CXorf38: variants seen among roughly 807,000 people sequenced by gnomAD.
CXorf38 encodes the protein uncharacterized protein CXorf38.
Under a neutral mutation model 27.5 loss-of-function variants are expected in CXorf38, and 13 were observed. The observed-to-expected ratio is 0.47, with a 90% CI of 0.31 to 0.75. CXorf38 has a LOEUF of 0.75. Ranked by LOEUF, CXorf38 falls within the 30% of genes least tolerant of loss-of-function variation. The probability of loss-of-function intolerance (pLI) is 0.05; values close to 1 mark genes in which losing one functional copy is unlikely to be tolerated. For synonymous variants in CXorf38, 100 were observed against 99.8 expected, an observed-to-expected ratio of 1.00 and a Z score of -0.01; for missense variants, 240 against 253.2, an observed-to-expected ratio of 0.95 and a Z score of 0.35.
Position 40,636,615 on chromosome X carries a change from T to C in CXorf38, c.719A>G (p.Asn240Ser). ...MGTYLSESQV[N>S]EIEMQLLKEK... ...CTTTAGTAACTGCATTTCTATTTCATTGACTTGGCTCTCACTCAGGTAAGT... is the reference window on the plus strand; with the variant it reads ...CTTTAGTAACTGCATTTCTATTTCACTGACTTGGCTCTCACTCAGGTAAGT... Residue 240 changes from asparagine (N) to serine (S), a missense_variant, in exon 5 of 7, where the codon AAT becomes AGT. Physicochemically the swap from Asn to Ser is conservative, Grantham distance 46 (BLOSUM62 1). Coordinates refer to ENST00000327877, the MANE Select transcript of CXorf38 (RefSeq NM_144970.3). The C allele has an allele frequency of 1.7e-6, 2 of 1,203,834 alleles. No individual in the cohort carries two copies. The highest frequency in any genetic ancestry group is 2.2e-6 in the Non-Finnish European group (2 of 889,401).
At chrX:40,630,906 A>G in intron 5 of CXorf38, 133 bp from the exon 6 acceptor site, 2 of 523,243 alleles carry the variant, frequency 3.8e-6, no homozygotes, top group Admixed American at 4.0e-5. Flanking sequence ...GGCTACAGGC[A>G]TCTGTCCACA....
In CXorf38 at chrX:40,627,186, T is replaced by TGGGG. The variant is rs765086285; in HGVS notation, c.*2974_*2977dup. 3 of 64,272 alleles carry TGGGG rather than the reference T, an allele frequency of 4.7e-5. No individual in the cohort carries two copies. The highest frequency in any genetic ancestry group is 1.9e-4 in the African/African-American group (3 of 15,946). 5.3% of individuals were successfully genotyped at this position (64,272 alleles called of 1,213,427 possible). On this transcript the variant is annotated 3_prime_UTR_variant, in exon 7 of 7. Transcript: ENST00000327877. ...ACAGCTTGCTATGCATTTTTTTTTTTGGGGGGGGGGGGTTGTTTTTTAGAG... is the reference window on the plus strand; with the variant it reads ...ACAGCTTGCTATGCATTTTTTTTTTTGGGGGGGGGGGGGGGGTTGTTTTTTAGAG...
rs2146594076 is a variant in CXorf38, at chrX:40,647,365, G to A, written c.156C>T (p.Pro52=). The change falls in exon 1 of 7, where the codon CCC becomes CCT. Residue 52 remains proline, a synonymous_variant. Transcript: ENST00000327877. ...GGCAGACGGCGCGGGGCCCCAGGCC[G>A]GGGGCTGCGGCGAGTAGGCCGCGGT... is the stretch of plus-strand genomic sequence containing the variant. ...SFHRGLLAAA[P]GLGPRAVCRG... is the part of the protein sequence containing the mutation. 1.7e-6 allele frequency: 2 copies of A among 1,155,987 alleles called. No homozygotes were observed. The highest frequency in any genetic ancestry group is 3.7e-5 in the African/African-American group (2 of 53,795).
At chrX:40,635,747 C>A (rs1040762712) in intron 5 of CXorf38, among the ~76,000 whole-genome samples, 1 of 111,712 alleles carries the variant, frequency 9.0e-6, no homozygotes, top group Non-Finnish European at 1.9e-5. Flanking sequence ...AGCCCCATGC[C>A]ATGCTCCAAG....
At chrX:40,640,984 T>TAACA (rs1928296492) in intron 2 of CXorf38, among the ~76,000 whole-genome samples, 1 of 104,590 alleles carries the variant, frequency 9.6e-6, no homozygotes, top group South Asian at 4.2e-4. Context: ...CTACAAAGGT[T>TAACA]AACAAAGAAG....
chrX:40,643,712 G>A (rs1928449572), intron 2 of CXorf38, among the ~76,000 whole-genome samples: 1 of 111,071 alleles, frequency 9.0e-6, no homozygotes, highest in Admixed American at 9.6e-5. Context: ...GTTTCTCCTT[G>A]CTGGTCAGGT....
At position 40,630,650 on chromosome X, in the gene CXorf38, C is replaced by T. The variant is rs141391425; in HGVS notation, c.925G>A (p.Glu309Lys). The change falls in exon 6 of 7, where the codon GAA becomes AAA. Residue 309 changes from glutamate (E) to lysine (K), a missense_variant. Physicochemically the swap from Glu to Lys is moderately conservative, Grantham distance 56. Transcript: ENST00000327877. ...LCLHQKLDSQ[E>K]PGRQTPDRKA ...CTGTCAGGTGTTTGTCTCCCAGGTT[C>T]CTGTGAATCCAGTTTTTGATGTAGA... 947 of 1,208,466 alleles carry T rather than the reference C, an allele frequency of 7.8e-4. No individual in the cohort carries two copies. The highest frequency in any genetic ancestry group is 9.5e-4 in the Non-Finnish European group (851 of 894,407).
At position 40,637,107 on chromosome X, in the gene CXorf38, G is replaced by C. The variant is rs1928104218; in HGVS notation, c.521C>G (p.Ser174Cys). 7 of 1,204,241 alleles carry C rather than the reference G, an allele frequency of 5.8e-6. No homozygotes were observed. The East Asian group carries it at 1.8e-4, about 31-fold the overall frequency. The change falls in exon 4 of 7, where the codon TCT becomes TGT. Residue 174 changes from serine to cysteine, a missense_variant. By Grantham distance (112) the Ser-to-Cys change is moderately radical. Transcript: ENST00000327877. Reference sequence around the variant, plus strand: ...CTGAAAATCTCGAAGCCACGTAGAAGATACTTTCATCTCTGAAGAGTGCAT... The same window carrying C: ...CTGAAAATCTCGAAGCCACGTAGAACATACTTTCATCTCTGAAGAGTGCAT... ...EIMHSSEMKV[S>C]STWLRDFQMK... is the part of the protein sequence containing the mutation.
In CXorf38 at chrX:40,639,142, G is replaced by A. The variant is rs1486357609; in HGVS notation, c.352-14C>T. Reference sequence around the variant, plus strand: ...GGGCATGAAGGCCTATAGCAAGGGAGGGAGGAGGGGGACCTGAGTCTCTTC... The same window carrying A: ...GGGCATGAAGGCCTATAGCAAGGGAAGGAGGAGGGGGACCTGAGTCTCTTC... On this transcript the variant is annotated splice_polypyrimidine_tract_variant and intron_variant, in intron 2 of 6. Transcript: ENST00000327877. The A allele has an allele frequency of 7.5e-6, 9 of 1,201,212 alleles. No homozygotes were observed. Among genetic ancestry groups the A allele is most frequent in the Admixed American group, 2.2e-5 (1 of 45,005 alleles).
chrX:40,643,566 T>C (rs1044536448), intron 2 of CXorf38, among the ~76,000 whole-genome samples: 2 of 111,478 alleles, frequency 1.8e-5, no homozygotes, highest in South Asian at 3.8e-4. Flanking sequence ...TGGAGTGCAA[T>C]AGCACAATCT....
chrX:40,633,465 C>T (rs1333626612), intron 5 of CXorf38, among the ~76,000 whole-genome samples: 2 of 111,463 alleles, frequency 1.8e-5, no homozygotes, highest in Admixed American at 1.9e-4. Context: ...CTCTGCTCTA[C>T]ACTGGATTTC....
chrX:40,643,399 A>G (rs1054884527), intron 2 of CXorf38, among the ~76,000 whole-genome samples: 6 of 112,472 alleles, frequency 5.3e-5, no homozygotes, highest in Non-Finnish European at 9.4e-5. Flanking sequence ...CCTCAAAAAG[A>G]AACCCCATAC....
At chrX:40,631,787 C>T (rs1041806083) in intron 5 of CXorf38, among the ~76,000 whole-genome samples, 26 of 111,890 alleles carry the variant, frequency 2.3e-4, no homozygotes, top group African/African-American at 7.8e-4. Flanking sequence ...CTCACGTTAT[C>T]GTGAAGTAAG....
intron 2 of CXorf38, among the ~76,000 whole-genome samples, chrX:40,646,505 C>T (rs759043739): frequency 8.9e-6 from 1 of 111,969 alleles, no homozygotes; most frequent in African/African-American, 3.2e-5. Flanking sequence ...TTGCCAAGAT[C>T]TGAAGACAGA....
intron 5 of CXorf38, among the ~76,000 whole-genome samples, chrX:40,635,097 G>A (rs1928007755): frequency 8.9e-6 from 1 of 112,605 alleles, no homozygotes; most frequent in African/African-American, 3.2e-5. Context: ...TGACTGCCAG[G>A]TTCCCTTCCA....
intron 2 of CXorf38, among the ~76,000 whole-genome samples, chrX:40,644,945 A>G (rs980378619): frequency 8.9e-6 from 1 of 112,098 alleles, no homozygotes; most frequent in African/African-American, 3.3e-5. Flanking sequence ...CTTTCCCACT[A>G]ATCAGAAGCA....
intron 2 of CXorf38, chrX:40,640,162 T>G (rs1928254574): frequency 3.3e-6 from 1 of 306,262 alleles, no homozygotes; most frequent in African/African-American, 2.8e-5. Context: ...AAGACTCCCA[T>G]CTCTATTAAA....
intron 2 of CXorf38, among the ~76,000 whole-genome samples, chrX:40,642,938 AT>A (rs200490943): frequency 9.3e-6 from 1 of 107,797 alleles, no homozygotes; most frequent in Admixed American, 9.9e-5. Context: ...TAGCTGCCTA[AT>A]TTTTTTTTGT....
At position 40,627,988 on chromosome X, in the gene CXorf38, A is replaced by T. The variant is rs1927606652; in HGVS notation, c.*2176T>A. ...TTCCTAAAATTAGAAGTCAGATCTT[A>T]AATTGGTTAGTGAATCAAGATTCCA... On this transcript the variant is annotated 3_prime_UTR_variant, in exon 7 of 7. Coordinates refer to ENST00000327877, the MANE Select transcript of CXorf38 (RefSeq NM_144970.3). 8.9e-6 allele frequency: 1 copy of T among 112,329 alleles called. No homozygotes were observed. The highest frequency in any genetic ancestry group is 9.4e-5 in the Admixed American group (1 of 10,612). 9.3% of individuals were successfully genotyped at this position (112,329 alleles called of 1,213,427 possible).
Sources: allele counts gnomAD v4.1 joint callset (sites outside exome capture counted in the v4.1 genomes callset), GRCh38; gene constraint gnomAD v4.1.1; transcripts MANE v1.5; gene names NCBI Gene and HGNC (gene_info 2026-07-23, HGNC 2026-07-21).